KLHL29: variants seen among roughly 807,000 people sequenced by gnomAD.
The protein encoded by KLHL29 is kelch-like protein 29.
Under a neutral mutation model 80.4 loss-of-function variants are expected in KLHL29, and 21 were observed. That is an observed-to-expected ratio of 0.26 (90% CI 0.19 to 0.38). KLHL29 has a LOEUF of 0.38. KLHL29 is among the 10% of genes least tolerant of loss of function. KLHL29 has a pLI of 1.00. For missense variants in KLHL29, 867 were observed against 1,223.9 expected, an observed-to-expected ratio of 0.71 and a Z score of 4.35; for synonymous variants, 511 against 526.8, an observed-to-expected ratio of 0.97 and a Z score of 0.41.
At chr2:23,472,312 A>G (rs933163307) in intron 1 of KLHL29, among the ~76,000 whole-genome samples, 2 of 152,268 alleles carry the variant, frequency 1.3e-5, no homozygotes, top group African/African-American at 4.8e-5. Flanking sequence ...GACTTTGAGC[A>G]GGTGATGGCA....
Position 23,708,321 on chromosome 2 carries a change from G to C in KLHL29, c.*1657G>C, listed in dbSNP as rs1672848507. On this transcript the variant is annotated 3_prime_UTR_variant, in exon 14 of 14. Transcript: ENST00000486442. ...TCATTTAAAGTATTTATGTCAAACAGGGTGCAAGTGTGAACCCAAGGACTG... is the reference window on the plus strand; with the variant it reads ...TCATTTAAAGTATTTATGTCAAACACGGTGCAAGTGTGAACCCAAGGACTG... The C allele has an allele frequency of 6.6e-6, 1 of 152,170 alleles. No individual in the cohort carries two copies. The highest frequency in any genetic ancestry group is 6.5e-5 in the Admixed American group (1 of 15,278). 9.4% of individuals were successfully genotyped at this position (152,170 alleles called of 1,614,324 possible).
intron 1 of KLHL29, among the ~76,000 whole-genome samples, chr2:23,411,342 C>T (rs927278781): frequency 6.8e-6 from 1 of 147,632 alleles, no homozygotes; most frequent in Non-Finnish European, 1.5e-5. Flanking sequence ...AAGTAGTTCC[C>T]ATGCCTGGAG....
At chr2:23,612,384 C>G (rs1391047215) in intron 3 of KLHL29, among the ~76,000 whole-genome samples, 1 of 152,136 alleles carries the variant, frequency 6.6e-6, no homozygotes, top group Admixed American at 6.5e-5. Flanking sequence ...AGTGAAAATG[C>G]CCTTAGAAGA....
chr2:23,531,703 G>A (rs1666494795), intron 2 of KLHL29, among the ~76,000 whole-genome samples: 1 of 152,186 alleles, frequency 6.6e-6, no homozygotes, highest in Non-Finnish European at 1.5e-5. Flanking sequence ...AAAACCGTGG[G>A]CCCATAAATC....
intron 1 of KLHL29, among the ~76,000 whole-genome samples, chr2:23,389,708 C>T (rs777491215): frequency 1.5e-4 from 23 of 150,758 alleles, no homozygotes; most frequent in Non-Finnish European, 3.2e-4. Context: ...AAGGGGGGGG[C>T]GGAATATATG....
chr2:23,596,168 G>C lies in KLHL29; in HGVS notation c.285+33687G>C, dbSNP rs996285263. On this transcript the variant is annotated intron_variant, in intron 3 of 13. Coordinates refer to ENST00000486442, the MANE Select transcript of KLHL29 (RefSeq NM_052920.2). This position sits in a 1 kb window ranked among gnomAD's most constrained non-coding sequence, Gnocchi z 4.4. The stretch of plus-strand genomic sequence containing the variant: ...GAGCACCCTCGGCAGCCAGCCGGAC[G>C]GGCAGGCCGGGGGCGGGGCAGGGCA... 1.3e-5 allele frequency among the ~76,000 whole-genome samples: 2 copies of C among 152,216 alleles called. No individual in the cohort carries two copies. The highest frequency in any genetic ancestry group is 2.9e-5 in the Non-Finnish European group (2 of 68,036).
intron 2 of KLHL29, among the ~76,000 whole-genome samples, chr2:23,532,159 A>C (rs928051847): frequency 1.3e-5 from 2 of 152,224 alleles, no homozygotes; most frequent in African/African-American, 4.8e-5. Flanking sequence ...CAAAGAGTTA[A>C]CCTTTCCTGG....
intron 1 of KLHL29, among the ~76,000 whole-genome samples, chr2:23,411,068 T>G (rs1309393093): frequency 6.6e-6 from 1 of 152,190 alleles, no homozygotes; most frequent in Non-Finnish European, 1.5e-5. Context: ...GTAATAAATG[T>G]TTATTAAGCA....
chr2:23,554,262 A>G (rs765219444), intron 2 of KLHL29, among the ~76,000 whole-genome samples: 3 of 152,254 alleles, frequency 2.0e-5, no homozygotes, highest in Non-Finnish European at 4.4e-5. Flanking sequence ...AGAAAGGCTA[A>G]AAGATGCAGA....
chr2:23,654,996 G>A (rs987964930), intron 5 of KLHL29, among the ~76,000 whole-genome samples: 8 of 152,212 alleles, frequency 5.3e-5, no homozygotes, highest in South Asian at 2.1e-4. Context: ...TGGCTGTTTC[G>A]TGTCTCCTGC....
chr2:23,492,319 A>G (rs11692722), intron 2 of KLHL29, among the ~76,000 whole-genome samples: 37,859 of 152,124 alleles, frequency 0.25, 5,149 homozygotes, highest in African/African-American at 0.34. Context: ...TCATGCCTCT[A>G]GTGCAGAAGG....
intron 3 of KLHL29, among the ~76,000 whole-genome samples, chr2:23,579,900 G>A (rs1472950686): frequency 6.6e-6 from 1 of 152,206 alleles, no homozygotes; most frequent in African/African-American, 2.4e-5. Context: ...GAGCATGTGT[G>A]AGTGACCCCT....
intron 6 of KLHL29, among the ~76,000 whole-genome samples, chr2:23,688,124 A>G (rs954048964): frequency 1.3e-5 from 2 of 152,100 alleles, no homozygotes; most frequent in Non-Finnish European, 2.9e-5. Context: ...CGAGACTCCC[A>G]TGTCTCATCT....
intron 3 of KLHL29, among the ~76,000 whole-genome samples, chr2:23,607,034 A>C (rs1183164786): frequency 6.6e-6 from 1 of 152,208 alleles, no homozygotes; most frequent in African/African-American, 2.4e-5. Flanking sequence ...CATGAGCCCC[A>C]TATGAGGGCA....
intron 5 of KLHL29, among the ~76,000 whole-genome samples, chr2:23,656,391 G>T (rs1001281401): frequency 6.6e-6 from 1 of 152,196 alleles, no homozygotes; most frequent in Non-Finnish European, 1.5e-5. Flanking sequence ...GAGGGAAGGC[G>T]AAGGGGAAGG....
Position 23,693,426 on chromosome 2 carries a change from C to T in KLHL29, c.1440C>T (p.Phe480=). 1 of 1,551,762 alleles carries T rather than the reference C, an allele frequency of 6.4e-7. No homozygotes were observed. The highest frequency in any genetic ancestry group is 1.2e-5 in the South Asian group (1 of 84,066). Reference sequence around the variant, plus strand: ...TCCTCAGCATCTCCAAGGACGACTTCATCGCCTACGTCTCCAACGACAGCC... The same window carrying T: ...TCCTCAGCATCTCCAAGGACGACTTTATCGCCTACGTCTCCAACGACAGCC... The part of the protein sequence containing the change: ...EEILSISKDD[F]IAYVSNDSLN... Residue 480 remains phenylalanine (F), a synonymous_variant, in exon 8 of 14, where the codon TTC becomes TTT. Coordinates refer to ENST00000486442, the MANE Select transcript of KLHL29 (RefSeq NM_052920.2).
chr2:23,597,401 ATATATATTTTTTTTTT>A (rs1558402847), intron 3 of KLHL29, among the ~76,000 whole-genome samples: 20 of 55,288 alleles, frequency 3.6e-4, no homozygotes, highest in Non-Finnish European at 6.8e-4. Context: ...ATATATATAT[ATATATATTTTTTTTTT>A]TTTTTTTTTT....
chr2:23,419,774 G>A (rs745636566), intron 1 of KLHL29, among the ~76,000 whole-genome samples: 25 of 152,214 alleles, frequency 1.6e-4, no homozygotes, highest in East Asian at 7.7e-4. Flanking sequence ...TTTGGGGTGC[G>A]GCTGGTCTCT....
At chr2:23,389,883 T>TA (rs1666276618) in intron 1 of KLHL29, among the ~76,000 whole-genome samples, 1 of 152,210 alleles carries the variant, frequency 6.6e-6, no homozygotes, top group East Asian at 1.9e-4. Context: ...CCTGATGTGC[T>TA]AAAAAATTAG....
Sources: gnomAD v4.1 joint callset for allele counts (sites outside exome capture counted in the v4.1 genomes callset) on GRCh38, gnomAD v4.1.1 for gene constraint, Gnocchi (gnomAD v3.1) non-coding constraint, MANE v1.5 for transcripts, NCBI Gene and HGNC (gene_info 2026-07-23, HGNC 2026-07-21) for gene names.